ANKDD1A: variants seen among roughly 807,000 people sequenced by gnomAD.
The protein encoded by ANKDD1A is ankyrin repeat and death domain containing 1A, also known as ankyrin repeat and death domain-containing protein 1A.
ANKDD1A carries 59 observed loss-of-function variants against 63.5 expected under a neutral mutation model. The ratio of observed to expected loss-of-function variants is 0.93; its 90% CI spans 0.75 to 1.15. The LOEUF is 1.15. Among genes scored for constraint, ANKDD1A ranks in the 50% most tolerant of loss-of-function variants. The probability of loss-of-function intolerance (pLI) is 0.00; values close to 1 mark genes in which losing one functional copy is unlikely to be tolerated. For missense variants in ANKDD1A, 632 were observed against 656.4 expected (o/e 0.96, Z 0.41); for synonymous variants, 266 against 263.9 (o/e 1.01, Z -0.08).
chr15:64,914,992 G>T (rs559421257), intron 1 of ANKDD1A, among the ~76,000 whole-genome samples: 2 of 152,248 alleles, frequency 1.3e-5, no homozygotes, highest in African/African-American at 4.8e-5. Flanking sequence ...GGTGGAAGCT[G>T]GTTAGGATTT....
chr15:64,950,726 A>AGGGGGGGGGGGG, intron 14 of ANKDD1A: 4 of 524,106 alleles, frequency 7.6e-6, no homozygotes, highest in Non-Finnish European at 8.6e-6. Flanking sequence ...AAAAGAAAGG[A>AGGGGGGGGGGGG]CCGCCCCCCC....
At chr15:64,918,176 G>A (rs962754761) in intron 3 of ANKDD1A, among the ~76,000 whole-genome samples, 1 of 152,184 alleles carries the variant, frequency 6.6e-6, no homozygotes, top group Non-Finnish European at 1.5e-5. Flanking sequence ...GAGCCTGGAT[G>A]ACACGGCGAA....
chr15:64,943,262 G>A (rs2085198370), intron 10 of ANKDD1A: 1 of 524,738 alleles, frequency 1.9e-6, no homozygotes, highest in African/African-American at 1.9e-5. Context: ...GCGTTTATCA[G>A]AGTTTATAGT....
intron 14 of ANKDD1A, among the ~76,000 whole-genome samples, chr15:64,955,030 CTTCTTCTTCTTTCTTTCT>C (rs1364329311): frequency 0.014 from 541 of 37,460 alleles, 4 homozygotes; most frequent in Middle Eastern, 0.14. Flanking sequence ...TCTTCTTCCT[CTTCTTCTTCTTTCTTTCT>C]TTCTTCTTCT....
chr15:64,924,995 G>A (rs1415213694), intron 4 of ANKDD1A, among the ~76,000 whole-genome samples: 2 of 152,180 alleles, frequency 1.3e-5, no homozygotes, highest in South Asian at 2.1e-4. Context: ...GGGAGGCCGA[G>A]GCAGGCAGAT....
chr15:64,957,895 T>G lies in ANKDD1A; in HGVS notation c.*707T>G, dbSNP rs2085433547. ...TAATTGTGTAAGAAAGAAAGGAAAT[T>G]AGAAAACATATTTGCATAAATAAAA... On this transcript the variant is annotated 3_prime_UTR_variant, in exon 15 of 15. Coordinates refer to ENST00000319580, the MANE Select transcript of ANKDD1A (RefSeq NM_182703.6). The G allele has an allele frequency of 6.6e-6, 1 of 152,074 alleles. No homozygotes were observed. Among genetic ancestry groups the G allele is most frequent in the African/African-American group, 2.4e-5 (1 of 41,388 alleles). The allele number at this position is 152,074 out of a possible 1,614,324, so 9.4% of individuals were successfully genotyped here.
chr15:64,937,601 G>A (rs145546158), intron 9 of ANKDD1A, among the ~76,000 whole-genome samples: 71 of 150,322 alleles, frequency 4.7e-4, no homozygotes, highest in African/African-American at 1.5e-3. Context: ...GGTGGCACAC[G>A]CCTGTAGTCC....
chr15:64,952,957 TCC>T (rs2085326529), intron 14 of ANKDD1A, among the ~76,000 whole-genome samples: 2 of 21,594 alleles, frequency 9.3e-5, no homozygotes, highest in Non-Finnish European at 2.6e-4. Context: ...TTCTCTTTCT[TCC>T]TCTTCTTCTT....
intron 4 of ANKDD1A, among the ~76,000 whole-genome samples, chr15:64,925,387 G>A (rs2085038807): frequency 6.6e-6 from 1 of 152,114 alleles, no homozygotes; most frequent in Admixed American, 6.6e-5. Context: ...ATACAAGGCA[G>A]GAGTAGAAGC....
chr15:64,941,966 C>G lies in ANKDD1A; in HGVS notation c.868-501C>G, dbSNP rs555280383. On this transcript the variant is annotated intron_variant, in intron 9 of 14. Coordinates refer to ENST00000319580, the MANE Select transcript of ANKDD1A (RefSeq NM_182703.6). ...GGGGACGTGGTGGGAGTAGAAAGTC[C>G]AATAAGTCATCGTTCCTATTAGCTA... 2.0e-5 allele frequency among the ~76,000 whole-genome samples: 3 copies of G among 152,058 alleles called. No individual in the cohort carries two copies. In the East Asian group the frequency reaches 5.8e-4, roughly 29 times the overall value.
chr15:64,947,518 C>T lies in ANKDD1A; in HGVS notation c.1276C>T (p.Arg426Cys), dbSNP rs748170837. The T allele has an allele frequency of 1.2e-5, 19 of 1,613,936 alleles. No individual in the cohort carries two copies. The East Asian group carries it at 1.8e-4, about 15-fold the overall frequency. The change falls in exon 13 of 15, where the codon CGT (arginine) becomes TGT (cysteine). Residue 426 changes from arginine to cysteine, a missense_variant. Transcript: ENST00000319580. ...WRLASRYLQP[R>C]EWKKLAYSWE... ...GCTGGCCTCCAGGTATCTGCAGCCC[C>T]GTGAGTGGAAGAAGCTGGCATATTC...
chr15:64,931,388 TG>T, intron 7 of ANKDD1A, 98 bp from the exon 8 acceptor site: 1 of 1,177,420 alleles, frequency 8.5e-7, no homozygotes, highest in South Asian at 1.5e-5. Flanking sequence ...CAAGGGGTCC[TG>T]GGGCCAAGGC....
chr15:64,954,913 TTC>T (rs1422668163), intron 14 of ANKDD1A, among the ~76,000 whole-genome samples: 3 of 68,880 alleles, frequency 4.4e-5, no homozygotes, highest in South Asian at 5.0e-4. Flanking sequence ...CTCTTGTCTC[TTC>T]TCTCTCCTTC....
intron 13 of ANKDD1A, among the ~76,000 whole-genome samples, chr15:64,948,815 G>T (rs1441261223): frequency 2.0e-5 from 3 of 151,820 alleles, no homozygotes; most frequent in African/African-American, 4.8e-5. Flanking sequence ...GACAGAGTGA[G>T]ACTCTGTCTC....
chr15:64,934,782 G>T (rs979333250), intron 9 of ANKDD1A, among the ~76,000 whole-genome samples: 143 of 151,504 alleles, frequency 9.4e-4, no homozygotes, highest in Middle Eastern at 3.4e-3. Flanking sequence ...CTCCCAAAGT[G>T]CTGGGATTAC....
intron 14 of ANKDD1A, among the ~76,000 whole-genome samples, chr15:64,951,735 C>T (rs1422044767): frequency 1.8e-4 from 1 of 5,480 alleles, no homozygotes; most frequent in African/African-American, 2.5e-4. Flanking sequence ...TTCTTCTTTC[C>T]TCCTTCTTCC....
chr15:64,954,778 CCTT>C (rs1432131215), intron 14 of ANKDD1A, among the ~76,000 whole-genome samples: 7 of 123,104 alleles, frequency 5.7e-5, no homozygotes, highest in African/African-American at 2.1e-4. Context: ...TTCTTCTTCT[CCTT>C]CTTCCTTCTC....
At chr15:64,940,150 A>AAG (rs1447959837) in intron 9 of ANKDD1A, among the ~76,000 whole-genome samples, 1 of 151,834 alleles carries the variant, frequency 6.6e-6, no homozygotes, top group Non-Finnish European at 1.5e-5. Flanking sequence ...ACAGTAAAAA[A>AAG]AAAAAAATGG....
chr15:64,942,219 G>A (rs1248979629), intron 9 of ANKDD1A, among the ~76,000 whole-genome samples: 1 of 152,166 alleles, frequency 6.6e-6, no homozygotes, highest in Admixed American at 6.5e-5. Flanking sequence ...GTCACATAGT[G>A]AGTTCCTGAT....
Sources: allele counts gnomAD v4.1 joint callset (sites outside exome capture counted in the v4.1 genomes callset), GRCh38; gene constraint gnomAD v4.1.1; transcripts MANE v1.5; gene names NCBI Gene and HGNC (gene_info 2026-07-23, HGNC 2026-07-21).